ANXA4: variants seen among roughly 807,000 people sequenced by gnomAD.
ANXA4 encodes 35-beta calcimedin.
In ANXA4, 39 loss-of-function variants were observed where a neutral mutation model predicts 49.8. That is an observed-to-expected ratio of 0.78 (90% CI 0.61 to 1.02). The LOEUF (loss-of-function observed/expected upper bound fraction) is 1.02. ANXA4 is among the 50% of genes least tolerant of loss of function. The pLI is 0.00. For synonymous variants in ANXA4, 134 were observed against 152.5 expected, an observed-to-expected ratio of 0.88 and a Z score of 0.89; for missense variants, 360 against 410.1, an observed-to-expected ratio of 0.88 and a Z score of 1.05.
At chr2:69,704,990 A>G (rs1453340901) in intron 2 of ANXA4, among the ~76,000 whole-genome samples, 1 of 152,158 alleles carries the variant, frequency 6.6e-6, no homozygotes, top group Non-Finnish European at 1.5e-5. Flanking sequence ...ACATTATTAA[A>G]GTATAGTATC....
At chr2:69,794,654 C>A (rs1468223727) in intron 3 of ANXA4, among the ~76,000 whole-genome samples, 1 of 152,112 alleles carries the variant, frequency 6.6e-6, no homozygotes, top group Non-Finnish European at 1.5e-5. Flanking sequence ...GCTCTGCCTT[C>A]CGAGTTCACG....
intron 3 of ANXA4, among the ~76,000 whole-genome samples, chr2:69,792,611 T>G (rs1014872748): frequency 2.6e-5 from 4 of 152,162 alleles, no homozygotes; most frequent in Non-Finnish European, 2.9e-5. Flanking sequence ...TTTTTACAGT[T>G]TTTTTTTACA....
At chr2:69,803,866 G>T (rs1013071940) in intron 3 of ANXA4, among the ~76,000 whole-genome samples, 1 of 152,102 alleles carries the variant, frequency 6.6e-6, no homozygotes, top group African/African-American at 2.4e-5. Flanking sequence ...GGCTGGGCGT[G>T]GTGTCTCACA....
At chr2:69,777,170 T>C (rs4853013) in intron 1 of ANXA4, among the ~76,000 whole-genome samples, 50,463 of 152,028 alleles carry the variant, frequency 0.33, 9,564 homozygotes, top group Admixed American at 0.48. Context: ...CACCTCCATA[T>C]GTTCACTAAC....
rs1293588999 is a variant in ANXA4 at position 69,757,235 on chromosome 2, G to GTT, written c.-47+15063_-47+15064dup. ...TGAGCCACCGTGCCCAGCCATTTTT[G>GTT]TTTTATATATATATATATATATATA... On this transcript the variant is annotated intron_variant, in intron 1 of 12. Transcript: ENST00000394295. Among the ~76,000 whole-genome samples, 300 of 60,072 alleles carry GTT rather than the reference G, an allele frequency of 5.0e-3. 2 individuals carry two copies. Among genetic ancestry groups the GTT allele is most frequent in the African/African-American group, 0.014 (257 of 18,138 alleles). 39.4% of individuals were successfully genotyped at this position (60,072 alleles called of 152,430 possible).
rs1673662150 is a variant in ANXA4, at chr2:69,810,673, T to C, written c.477T>C (p.Ala159=). Residue 159 remains alanine, a splice_region_variant and synonymous_variant, in exon 7 of 13, where the codon GCT becomes GCC. Coordinates refer to ENST00000394295, the MANE Select transcript of ANXA4 (RefSeq NM_001153.5). ...AGCGAGTGCTGGTGTCTCTGTCAGC[T>C]GTGAGTGACTGCTTCTGATGGGGGG... ...MFQRVLVSLS[A]GGRDEGNYLD... 1 of 1,612,868 alleles carries C rather than the reference T, an allele frequency of 6.2e-7. No individual in the cohort carries two copies. The highest frequency in any genetic ancestry group is 8.5e-7 in the Non-Finnish European group (1 of 1,178,876).
At chr2:69,692,416 C>T (rs1167075499) in intron 2 of ANXA4, among the ~76,000 whole-genome samples, 1 of 152,132 alleles carries the variant, frequency 6.6e-6, no homozygotes, top group African/African-American at 2.4e-5. Context: ...TTTGGAATTC[C>T]CTTTCCCTGT....
At chr2:69,674,005 G>GC (rs2105346634) in intron 2 of ANXA4, 1 of 152,620 alleles carries the variant, frequency 6.6e-6, no homozygotes, top group South Asian at 2.1e-4. Context: ...CCAGCTGGCT[G>GC]CCCACTGTGC....
chr2:69,649,106 G>A (rs1166129378), intron 1 of ANXA4, among the ~76,000 whole-genome samples: 3 of 151,796 alleles, frequency 2.0e-5, no homozygotes, highest in Non-Finnish European at 2.9e-5. Flanking sequence ...GGCTGGTCTC[G>A]AGCTCTCAAC....
At chr2:69,679,716 C>T (rs898132868) in intron 2 of ANXA4, among the ~76,000 whole-genome samples, 1 of 152,114 alleles carries the variant, frequency 6.6e-6, no homozygotes, top group Admixed American at 6.5e-5. Flanking sequence ...TTTCATTTTT[C>T]TGTAGAAGCA....
intron 3 of ANXA4, among the ~76,000 whole-genome samples, chr2:69,723,594 GTCT>G (rs1473763859): frequency 3.3e-5 from 5 of 152,306 alleles, no homozygotes; most frequent in Admixed American, 2.0e-4. Context: ...TCTGCAGTGT[GTCT>G]TTTGTCTATC....
chr2:69,656,583 T>C (rs7590422), intron 2 of ANXA4, among the ~76,000 whole-genome samples: 54,291 of 138,624 alleles, frequency 0.39, 12,654 homozygotes, highest in East Asian at 0.76. Context: ...GATGGAGTCT[T>C]GCTCTATCCC....
At chr2:69,734,614 C>T (rs907708483) in intron 3 of ANXA4, among the ~76,000 whole-genome samples, 8 of 152,094 alleles carry the variant, frequency 5.3e-5, no homozygotes, top group African/African-American at 1.7e-4. Context: ...ACCTTAACCC[C>T]TCTCTGTTCT....
intron 3 of ANXA4, among the ~76,000 whole-genome samples, chr2:69,727,089 G>A (rs1194960708): frequency 6.6e-6 from 1 of 152,054 alleles, no homozygotes; most frequent in Non-Finnish European, 1.5e-5. Flanking sequence ...GCCCAGGCTG[G>A]CCTTGAACTC....
intron 11 of ANXA4, among the ~76,000 whole-genome samples, chr2:69,820,297 G>A (rs765415564): frequency 1.3e-5 from 2 of 151,152 alleles, no homozygotes; most frequent in Non-Finnish European, 2.9e-5. Context: ...TATATAAACA[G>A]TTGGTATATT....
At chr2:69,791,208 C>T (rs1672677863) in intron 3 of ANXA4, among the ~76,000 whole-genome samples, 1 of 152,182 alleles carries the variant, frequency 6.6e-6, no homozygotes, top group Non-Finnish European at 1.5e-5. Flanking sequence ...ACATTCTTTA[C>T]TCACTGCAGG....
At position 69,754,288 on chromosome 2, in the gene ANXA4, C is replaced by T. The variant is rs573743648; in HGVS notation, c.-47+12113C>T. ...GGTCATGATTGGCGATCTATACTTA[C>T]GAAATGCCCATGGTGTGGTTTGGGG... is the stretch of plus-strand genomic sequence containing the variant. On this transcript the variant is annotated intron_variant, in intron 1 of 12. Transcript: ENST00000394295. Among the ~76,000 whole-genome samples the T allele has an allele frequency of 2.1e-3, 320 of 152,284 alleles. 2 individuals carry two copies. The highest frequency in any genetic ancestry group is 7.5e-3 in the African/African-American group (311 of 41,556).
chr2:69,794,079 A>G (rs1422936917), intron 3 of ANXA4, among the ~76,000 whole-genome samples: 1 of 152,178 alleles, frequency 6.6e-6, no homozygotes, highest in African/African-American at 2.4e-5. Context: ...TTACCTGTTC[A>G]CAATCATGTT....
At chr2:69,678,393 T>C (rs557574056) in intron 2 of ANXA4, among the ~76,000 whole-genome samples, 22 of 140,612 alleles carry the variant, frequency 1.6e-4, no homozygotes, top group Non-Finnish European at 3.1e-4. Flanking sequence ...TCTTTTCTTT[T>C]TTTTTTTTTT....
Sources: allele counts gnomAD v4.1 joint callset (sites outside exome capture counted in the v4.1 genomes callset), GRCh38; gene constraint gnomAD v4.1.1; transcripts MANE v1.5; gene names NCBI Gene and HGNC (gene_info 2026-07-23, HGNC 2026-07-21).